The following DET1 variants were observed in gnomAD, a reference collection of about 807,000 sequenced individuals.
DET1 encodes DET1 partner of COP1 E3 ubiquitin ligase.
In DET1, 22 loss-of-function variants were observed where a neutral mutation model predicts 43.7. The observed-to-expected ratio is 0.50, with a 90% CI of 0.36 to 0.72. The LOEUF (loss-of-function observed/expected upper bound fraction) is 0.72. Among genes scored for constraint, DET1 ranks in the 30% least tolerant of loss-of-function variants. The pLI is 0.00. For missense variants in DET1, 713 were observed against 713.3 expected (o/e 1.00, Z 0.00); for synonymous variants, 315 against 266.2 (o/e 1.18, Z -1.79).
chr15:88,513,630 T>G (rs939556689), intron 4 of DET1, among the ~76,000 whole-genome samples: 2 of 150,382 alleles, frequency 1.3e-5, no homozygotes, highest in Admixed American at 6.6e-5. Context: ...GAGTTTTTTT[T>G]TTTTTTTTTT....
chr15:88,520,865 C>T (rs1598323360), intron 3 of DET1, among the ~76,000 whole-genome samples: 3 of 152,164 alleles, frequency 2.0e-5, no homozygotes, highest in South Asian at 4.1e-4. Flanking sequence ...TGGCAGGAAA[C>T]AGAATGCCAT....
chr15:88,534,728 A>C (rs2056903874), intron 1 of DET1, among the ~76,000 whole-genome samples: 1 of 152,228 alleles, frequency 6.6e-6, no homozygotes, highest in South Asian at 2.1e-4. Flanking sequence ...ATAGCACTGC[A>C]AAGACTTTCT....
At chr15:88,517,477 T>C (rs1365061791) in intron 3 of DET1, among the ~76,000 whole-genome samples, 2 of 152,074 alleles carry the variant, frequency 1.3e-5, no homozygotes, top group African/African-American at 4.8e-5. Context: ...CTGCCCGCCT[T>C]GGCCTCCCAA....
At chr15:88,541,793 C>G (rs2057113067) in intron 1 of DET1, among the ~76,000 whole-genome samples, 1 of 152,240 alleles carries the variant, frequency 6.6e-6, no homozygotes, top group Non-Finnish European at 1.5e-5. Flanking sequence ...TCCTCCTGAA[C>G]CAGGCCGTGT....
chr15:88,527,764 T>C lies in DET1; in HGVS notation c.1106A>G (p.Asn369Ser), dbSNP rs1474513597. 3.7e-6 allele frequency: 6 copies of C among 1,607,174 alleles called. No homozygotes were observed. The highest frequency in any genetic ancestry group is 5.1e-6 in the Non-Finnish European group (6 of 1,176,174). ...AGCAATCACCTCTGTCGTCACCATATTGTACACCACAAAGAAAGATGCCTG... is the reference window on the plus strand; with the variant it reads ...AGCAATCACCTCTGTCGTCACCATACTGTACACCACAAAGAAAGATGCCTG... ...PSQASFFVVYNMVTTEVIAVF... is the reference protein window; with the variant it reads ...PSQASFFVVYSMVTTEVIAVF... Residue 369 changes from asparagine (N) to serine (S), a missense_variant, in exon 3 of 5, where the codon AAT becomes AGT. Asn to Ser is a conservative substitution (Grantham distance 46). Coordinates refer to ENST00000268148, the MANE Select transcript of DET1 (RefSeq NM_001144074.3).
At chr15:88,528,775 C>T (rs553695111) in intron 2 of DET1, among the ~76,000 whole-genome samples, 6 of 152,306 alleles carry the variant, frequency 3.9e-5, no homozygotes, top group African/African-American at 1.4e-4. Context: ...ATCTCCATTA[C>T]CAATTTCTGG....
intron 3 of DET1, among the ~76,000 whole-genome samples, chr15:88,521,203 G>T (rs926232270): frequency 1.3e-5 from 2 of 152,092 alleles, no homozygotes; most frequent in African/African-American, 4.8e-5. Flanking sequence ...CTACCTCAGG[G>T]CCTTTAGATA....
At position 88,531,412 on chromosome 15, in the gene DET1, C is replaced by T. The variant is rs371026930; in HGVS notation, c.294G>A (p.Gln98=). The T allele has an allele frequency of 3.3e-5, 54 of 1,613,946 alleles. No homozygotes were observed. The Middle Eastern group carries it at 4.9e-4, about 15-fold the overall frequency. The change falls in exon 2 of 5, where the codon CAG becomes CAA. Residue 98 remains glutamine, a synonymous_variant. Coordinates refer to ENST00000268148, the MANE Select transcript of DET1 (RefSeq NM_001144074.3). This position sits in a 1 kb window ranked among gnomAD's most constrained non-coding sequence, Gnocchi z 6.2. ...QGCQAAEDLL[Q]GYEGEILSNG... ...TGGACAGGATTTCTCCTTCGTATCC[C>T]TGCAGTAGGTCCTCTGCTGCCTGGC...
Position 88,527,563 on chromosome 15 carries a change from A to G in DET1, c.1271+36T>C, listed in dbSNP as rs559942695. On this transcript the variant is annotated intron_variant, in intron 3 of 4. Coordinates refer to ENST00000268148, the MANE Select transcript of DET1 (RefSeq NM_001144074.3). The stretch of plus-strand genomic sequence containing the variant: ...CTATTGGCCTAACACCAATTTTTCT[A>G]AAGAAAAGACTGTTGAGTCTGGTGG... 5.2e-6 allele frequency: 8 copies of G among 1,525,046 alleles called. No individual in the cohort carries two copies. The Admixed American group carries it at 1.1e-4, about 20-fold the overall frequency. The allele number at this position is 1,525,046 out of a possible 1,614,324, so 94.5% of individuals were successfully genotyped here.
chr15:88,514,834 T>G (rs1367131494), intron 4 of DET1, among the ~76,000 whole-genome samples: 1 of 152,190 alleles, frequency 6.6e-6, no homozygotes, highest in Non-Finnish European at 1.5e-5. Flanking sequence ...ATTAAAAATA[T>G]AAAGAAGAAT....
intron 1 of DET1, among the ~76,000 whole-genome samples, chr15:88,532,881 C>T (rs983847187): frequency 6.6e-6 from 1 of 152,088 alleles, no homozygotes; most frequent in African/African-American, 2.4e-5. Flanking sequence ...TCAGATCTGG[C>T]AGTGATTTCT....
intron 1 of DET1, among the ~76,000 whole-genome samples, chr15:88,545,438 A>T (rs928418286): frequency 6.6e-6 from 1 of 152,220 alleles, no homozygotes; most frequent in East Asian, 1.9e-4. Flanking sequence ...ACCCTCCAAA[A>T]AGTTCGAGAA....
At position 88,538,484 on chromosome 15, in the gene DET1, C is replaced by A. The variant is rs148820817; in HGVS notation, c.-10-6769G>T. Among the ~76,000 whole-genome samples, 254 of 151,654 alleles carry A rather than the reference C, an allele frequency of 1.7e-3. 5 individuals carry two copies. In the South Asian group the frequency reaches 0.042, roughly 25 times the overall value. On this transcript the variant is annotated intron_variant, in intron 1 of 4. Transcript: ENST00000268148. ...TCTGTAAAATTGTTTTAACTAGACCCCCCCTCCCCTTCCTAAACCAAGGTA... is the reference window on the plus strand; with the variant it reads ...TCTGTAAAATTGTTTTAACTAGACCACCCCTCCCCTTCCTAAACCAAGGTA...
intron 2 of DET1, among the ~76,000 whole-genome samples, chr15:88,529,607 C>T (rs986925487): frequency 4.6e-5 from 7 of 152,324 alleles, no homozygotes; most frequent in South Asian, 4.1e-4. Flanking sequence ...TTTTAGGACA[C>T]GATACCCTGT....
chr15:88,527,820 C>A, intron 2 of DET1, 34 bp from the exon 3 acceptor site: 1 of 1,506,454 alleles, frequency 6.6e-7, no homozygotes, highest in Non-Finnish European at 8.9e-7. Flanking sequence ...TATGGGACAG[C>A]TGAGTATAAT....
At chr15:88,523,784 C>G (rs866014544) in intron 3 of DET1, among the ~76,000 whole-genome samples, 2 of 152,300 alleles carry the variant, frequency 1.3e-5, no homozygotes, top group Non-Finnish European at 2.9e-5. Context: ...GATCTCCGCT[C>G]GCTACAACCT....
chr15:88,512,721 A>G lies in DET1; in HGVS notation c.*230T>C. ...GACTTAATTAATGCTGGGCATTCCC[A>G]CAGGGAAAACGCAAGAGGATATTAT... On this transcript the variant is annotated 3_prime_UTR_variant, in exon 5 of 5. Coordinates refer to ENST00000268148, the MANE Select transcript of DET1 (RefSeq NM_001144074.3). The G allele has an allele frequency of 1.6e-6, 2 of 1,255,050 alleles. No individual in the cohort carries two copies. The highest frequency in any genetic ancestry group is 2.0e-6 in the Non-Finnish European group (2 of 1,000,878). The allele number at this position is 1,255,050 out of a possible 1,614,324, so 77.7% of individuals were successfully genotyped here. A position where few individuals can be genotyped will look rare whatever the true frequency, so the allele number is the denominator to read the frequency against.
chr15:88,527,585 G>C lies in DET1; in HGVS notation c.1271+14C>G. On this transcript the variant is annotated intron_variant, in intron 3 of 4. Coordinates refer to ENST00000268148, the MANE Select transcript of DET1 (RefSeq NM_001144074.3). ...TCTAAAGAAAAGACTGTTGAGTCTG[G>C]TGGAACAGCTTACCGGCGCTGGATC... 1 of 1,581,048 alleles carries C rather than the reference G, an allele frequency of 6.3e-7. No homozygotes were observed. The highest frequency in any genetic ancestry group is 8.6e-7 in the Non-Finnish European group (1 of 1,161,888).
intron 1 of DET1, among the ~76,000 whole-genome samples, chr15:88,545,009 G>T (rs1362207216): frequency 3.3e-5 from 5 of 152,136 alleles, no homozygotes; most frequent in African/African-American, 1.2e-4. Flanking sequence ...ACTCCAAAAT[G>T]TTGACTTTTA....
Sources: gnomAD v4.1 joint callset for allele counts (sites outside exome capture counted in the v4.1 genomes callset) on GRCh38, gnomAD v4.1.1 for gene constraint, Gnocchi (gnomAD v3.1) non-coding constraint, MANE v1.5 for transcripts, NCBI Gene and HGNC (gene_info 2026-07-23, HGNC 2026-07-21) for gene names.